Variants in NFIA observed in about 807,000 individuals in gnomAD.
NFIA encodes nuclear factor I A.
A neutral mutation model predicts 62.8 loss-of-function variants in NFIA; 8 were observed. That is an observed-to-expected ratio of 0.13 (90% CI 0.07 to 0.23). The LOEUF (loss-of-function observed/expected upper bound fraction) is 0.23. Among genes scored for constraint, NFIA ranks in the 10% least tolerant of loss-of-function variants. NFIA has a pLI of 1.00. For synonymous variants in NFIA, 235 were observed against 238.1 expected (o/e 0.99, Z 0.12); for missense variants, 410 against 642.1 (o/e 0.64, Z 3.91).
intron 8 of NFIA, 55 bp from the exon 9 acceptor site, chr1:61,406,507 T>G: frequency 6.8e-7 from 1 of 1,465,054 alleles, no homozygotes; most frequent in Middle Eastern, 2.1e-4. Context: ...TAATGGTTGC[T>G]GTCTCTTTCT....
At chr1:61,319,830 CA>C (rs1474907035) in intron 3 of NFIA, among the ~76,000 whole-genome samples, 15 of 141,952 alleles carry the variant, frequency 1.1e-4, no homozygotes, top group Non-Finnish European at 2.2e-4. Context: ...CACACACACA[CA>C]CACACCAACT....
chr1:61,082,010 G>C, upstream of NFIA: 1 of 1,549,804 alleles, frequency 6.5e-7, no homozygotes, highest in Non-Finnish European at 8.7e-7. Context: ...CGGGGGGTGC[G>C]GGGCAACCTG....
In NFIA at chr1:61,387,286, A is replaced by G. The variant is rs141107263; in HGVS notation, c.1075+3921A>G. On this transcript the variant is annotated intron_variant, in intron 7 of 10. Transcript: ENST00000403491. ...ATCTCTAACTCAAAAGAATTGTATT[A>G]TGTTAGGAGCAAAGGAAATAATGTA... 1.4e-4 allele frequency among the ~76,000 whole-genome samples: 22 copies of G among 152,240 alleles called. No homozygotes were observed. In the East Asian group the frequency reaches 4.1e-3, roughly 28 times the overall value.
At chr1:61,287,945 G>C (rs911215472) in intron 3 of NFIA, among the ~76,000 whole-genome samples, 7 of 152,166 alleles carry the variant, frequency 4.6e-5, no homozygotes, top group Non-Finnish European at 1.0e-4. Flanking sequence ...AATGAAATCT[G>C]GGAAGAGTAC....
At chr1:61,277,641 G>T in intron 3 of NFIA, 56 bp downstream of exon 3, 1 of 1,579,632 alleles carries the variant, frequency 6.3e-7, no homozygotes, top group South Asian at 1.1e-5. Context: ...CAGCCAGCAG[G>T]CCGACTAAGT....
rs1364021539 is a variant in NFIA, at chr1:61,178,224, ATTAGT to A, written c.559+89552_559+89556del. Among the ~76,000 whole-genome samples, 6 of 152,326 alleles carry A rather than the reference ATTAGT, an allele frequency of 3.9e-5. No individual in the cohort carries two copies. The South Asian group carries it at 6.2e-4, about 16-fold the overall frequency. ...GTGATATCACCCACACTGGCAAATA[ATTAGT>A]TTAGTTTGTCAAAGCATTTGAATTG... On this transcript the variant is annotated intron_variant, in intron 2 of 10. Coordinates refer to ENST00000403491, the MANE Select transcript of NFIA (RefSeq NM_001134673.4).
intron 2 of NFIA, among the ~76,000 whole-genome samples, chr1:61,239,313 T>C (rs537422898): frequency 1.3e-5 from 2 of 152,290 alleles, no homozygotes; most frequent in South Asian, 4.1e-4. Context: ...AATGATTACT[T>C]TTATGGATAC....
In NFIA at chr1:61,449,944, C is replaced by T. The variant is rs546836469; in HGVS notation, c.1513-5359C>T. Among the ~76,000 whole-genome samples, 10 of 152,292 alleles carry T rather than the reference C, an allele frequency of 6.6e-5. No homozygotes were observed. In the East Asian group the frequency reaches 1.7e-3, roughly 26 times the overall value. ...CTGGTCCTCACAAGACTCTGAGGGT[C>T]CCAGGACAGGGACTGGCTTGCTTGA... On this transcript the variant is annotated intron_variant, in intron 10 of 10. Transcript: ENST00000403491.
chr1:61,322,116 C>G (rs1660709845), intron 3 of NFIA, among the ~76,000 whole-genome samples: 1 of 152,148 alleles, frequency 6.6e-6, no homozygotes, highest in African/African-American at 2.4e-5. Context: ...TGACATTAAG[C>G]AAGTCACTTA....
At chr1:61,176,900 C>T (rs149914613) in intron 2 of NFIA, among the ~76,000 whole-genome samples, 14,691 of 151,910 alleles carry the variant, frequency 0.097, 1,364 homozygotes, top group East Asian at 0.25. Flanking sequence ...GTCAGGAGAT[C>T]GAGACCATCC....
intron 2 of NFIA, among the ~76,000 whole-genome samples, chr1:61,143,812 C>G (rs568930655): frequency 6.6e-6 from 1 of 152,198 alleles, no homozygotes; most frequent in Non-Finnish European, 1.5e-5. Flanking sequence ...CATGGTCCTT[C>G]CAATATGCCA....
chr1:61,226,412 T>C (rs1654334611), intron 2 of NFIA, among the ~76,000 whole-genome samples: 1 of 152,214 alleles, frequency 6.6e-6, no homozygotes, highest in African/African-American at 2.4e-5. Flanking sequence ...TATCCTACTC[T>C]ACTTACTTTG....
intron 7 of NFIA, among the ~76,000 whole-genome samples, chr1:61,395,643 A>C (rs537556557): frequency 6.6e-6 from 1 of 152,304 alleles, no homozygotes; most frequent in East Asian, 1.9e-4. Context: ...CATCACTCTA[A>C]ATATTTCCAA....
intron 3 of NFIA, among the ~76,000 whole-genome samples, chr1:61,322,552 G>T (rs956957505): frequency 6.6e-6 from 1 of 152,052 alleles, no homozygotes; most frequent in Admixed American, 6.6e-5. Context: ...TTCCTTTCAG[G>T]TACGTGGGGG....
rs192171388 is a variant in NFIA, at chr1:61,460,203, C to T, written c.*4883C>T. 25 of 152,310 alleles carry T rather than the reference C, an allele frequency of 1.6e-4. No individual in the cohort carries two copies. The highest frequency in any genetic ancestry group is 3.3e-4 in the Admixed American group (5 of 15,304). The allele number at this position is 152,310 out of a possible 1,614,324, so 9.4% of individuals were successfully genotyped here. On this transcript the variant is annotated 3_prime_UTR_variant, in exon 11 of 11. Transcript: ENST00000403491. ...TGTATTTACTGTTTGACAGTAAACC[C>T]GCTCTGCCTTCTCCACGTCCAAGGC...
chr1:61,083,784 A>ACCG (rs1194414422), intron 1 of NFIA, among the ~76,000 whole-genome samples: 1 of 149,360 alleles, frequency 6.7e-6, no homozygotes, highest in Non-Finnish European at 1.5e-5. Flanking sequence ...CACCACCACC[A>ACCG]CCGCCACCGC....
intron 6 of NFIA, among the ~76,000 whole-genome samples, chr1:61,373,006 T>C (rs1474333596): frequency 6.6e-6 from 1 of 152,198 alleles, no homozygotes; most frequent in Non-Finnish European, 1.5e-5. Context: ...TCATAAGCAC[T>C]ACCTTTAAAA....
chr1:61,306,269 C>CTTTTTTTTTTTTTTTTTTTTTTTTTT (rs774297484), intron 3 of NFIA, among the ~76,000 whole-genome samples: 1 of 60,614 alleles, frequency 1.6e-5, no homozygotes, highest in African/African-American at 7.7e-5. Flanking sequence ...AGATTTTGTT[C>CTTTTTTTTTTTTTTTTTTTTTTTTTT]TTTTTTTTTT....
intron 2 of NFIA, among the ~76,000 whole-genome samples, chr1:61,164,094 G>T (rs1649403583): frequency 6.6e-6 from 1 of 151,986 alleles, no homozygotes; most frequent in African/African-American, 2.4e-5. Flanking sequence ...TCTAAACAAA[G>T]ATTTTTTTTT....
Sources: allele counts gnomAD v4.1 joint callset (sites outside exome capture counted in the v4.1 genomes callset), GRCh38; gene constraint gnomAD v4.1.1; transcripts MANE v1.5; gene names NCBI Gene and HGNC (gene_info 2026-07-23, HGNC 2026-07-21).